Variants in ARSJ observed in about 807,000 individuals in gnomAD.
The protein encoded by ARSJ is arylsulfatase family member J, also known as arylsulfatase J.
Under a neutral mutation model 35.9 loss-of-function variants are expected in ARSJ, and 26 were observed. The observed-to-expected ratio is 0.72, with a 90% CI of 0.53 to 1.00. The LOEUF (loss-of-function observed/expected upper bound fraction) is 1.00. Among genes scored for constraint, ARSJ ranks in the 50% least tolerant of loss-of-function variants. The probability of loss-of-function intolerance (pLI) is 0.00; values close to 1 mark genes in which losing one functional copy is unlikely to be tolerated. For missense variants in ARSJ, 667 were observed against 723.6 expected (o/e 0.92, Z 0.90); for synonymous variants, 294 against 267.6 (o/e 1.10, Z -0.96).
intron 1 of ARSJ, among the ~76,000 whole-genome samples, chr4:113,968,485 G>A (rs1727032029): frequency 6.6e-6 from 1 of 152,120 alleles, no homozygotes; most frequent in Non-Finnish European, 1.5e-5. Context: ...GAAAAGCATT[G>A]GTGAGGAGAT....
chr4:113,914,955 TTC>T (rs1291879274), intron 1 of ARSJ, among the ~76,000 whole-genome samples: 1 of 152,220 alleles, frequency 6.6e-6, no homozygotes, highest in African/African-American at 2.4e-5. Flanking sequence ...GCATTTATAA[TTC>T]TGTGTTATAA....
At chr4:113,949,264 A>G (rs966513768) in intron 1 of ARSJ, among the ~76,000 whole-genome samples, 2 of 152,080 alleles carry the variant, frequency 1.3e-5, no homozygotes, top group Admixed American at 1.3e-4. Flanking sequence ...GCAGCAAAAC[A>G]CCATGGCATA....
chr4:113,962,676 C>G (rs1404828904), intron 1 of ARSJ, among the ~76,000 whole-genome samples: 3 of 151,960 alleles, frequency 2.0e-5, no homozygotes, highest in Admixed American at 6.6e-5. Flanking sequence ...ATGCTATGGT[C>G]TCTTTAACAG....
At chr4:113,909,666 G>C (rs974542333) in intron 1 of ARSJ, among the ~76,000 whole-genome samples, 7 of 152,258 alleles carry the variant, frequency 4.6e-5, no homozygotes, top group African/African-American at 1.4e-4. Flanking sequence ...TGCCATGTTT[G>C]TTAAGTTTCC....
Position 113,903,185 on chromosome 4 carries a change from G to T in ARSJ, c.889C>A (p.Leu297Ile). 6.2e-7 allele frequency: 1 copy of T among 1,614,170 alleles called. No individual in the cohort carries two copies. Among genetic ancestry groups the T allele is most frequent in the Non-Finnish European group, 8.5e-7 (1 of 1,179,994 alleles). Residue 297 changes from leucine (L) to isoleucine (I), a missense_variant, in exon 2 of 2, where the codon CTT becomes ATT. Coordinates refer to ENST00000315366, the MANE Select transcript of ARSJ (RefSeq NM_024590.4). ...NINRRRYAAM[L>I]SCLDEAINNV... ...TTGATTGCTTCATCTAAGCAGGAAA[G>T]CATGGCAGCATATCTCCTCCTGTTT...
chr4:113,912,447 T>C (rs1388931530), intron 1 of ARSJ, among the ~76,000 whole-genome samples: 1 of 151,804 alleles, frequency 6.6e-6, no homozygotes, highest in Non-Finnish European at 1.5e-5. Flanking sequence ...GAGACATGAA[T>C]GGAAAGTGAA....
At chr4:113,914,205 C>T (rs1466460435) in intron 1 of ARSJ, among the ~76,000 whole-genome samples, 1 of 152,086 alleles carries the variant, frequency 6.6e-6, no homozygotes, top group Non-Finnish European at 1.5e-5. Flanking sequence ...AACTCCTGAC[C>T]TCATAATCCA....
intron 1 of ARSJ, among the ~76,000 whole-genome samples, chr4:113,933,020 A>G (rs1239417640): frequency 6.6e-6 from 1 of 151,922 alleles, no homozygotes; most frequent in Non-Finnish European, 1.5e-5. Flanking sequence ...GAAACAAAAA[A>G]GGAGACATAA....
chr4:113,959,171 T>C (rs1044648929), intron 1 of ARSJ, among the ~76,000 whole-genome samples: 1 of 152,030 alleles, frequency 6.6e-6, no homozygotes, highest in African/African-American at 2.4e-5. Context: ...CATGTTGCGG[T>C]AGACATTTTT....
chr4:113,967,611 T>C (rs1026398807), intron 1 of ARSJ, among the ~76,000 whole-genome samples: 1 of 152,142 alleles, frequency 6.6e-6, no homozygotes, highest in Non-Finnish European at 1.5e-5. Context: ...TGCCTCCTGC[T>C]TCTCAAATAA....
At chr4:113,957,054 C>G (rs564718708) in intron 1 of ARSJ, among the ~76,000 whole-genome samples, 5 of 152,066 alleles carry the variant, frequency 3.3e-5, no homozygotes, top group African/African-American at 1.2e-4. Context: ...GTATATTGTC[C>G]TAAATTAGAG....
rs535393258 is a variant in ARSJ at position 113,935,068 on chromosome 4, C to CCCTAA, written c.399-31394_399-31393insTTAGG. Among the ~76,000 whole-genome samples, 135 of 151,926 alleles carry CCCTAA rather than the reference C, an allele frequency of 8.9e-4. 1 individual carries two copies. In the East Asian group the frequency reaches 0.02, roughly 23 times the overall value. On this transcript the variant is annotated intron_variant, in intron 1 of 1. Transcript: ENST00000315366. ...AAACTTTCCCTAAAATGGGAATTAG[C>CCCTAA]AATGTCTGGATTTCAAATTACTCTC...
intron 1 of ARSJ, among the ~76,000 whole-genome samples, chr4:113,946,903 G>C (rs1725525136): frequency 6.6e-6 from 1 of 151,962 alleles, no homozygotes; most frequent in Non-Finnish European, 1.5e-5. Context: ...TTATAAAAAT[G>C]TTAAGGGTAT....
chr4:113,918,197 C>T (rs1029066760), intron 1 of ARSJ, among the ~76,000 whole-genome samples: 1 of 152,042 alleles, frequency 6.6e-6, no homozygotes, highest in Non-Finnish European at 1.5e-5. Context: ...TACATATATC[C>T]ACGAGGCTGA....
chr4:113,960,569 G>GA (rs565785155), intron 1 of ARSJ, among the ~76,000 whole-genome samples: 12 of 151,562 alleles, frequency 7.9e-5, no homozygotes, highest in Admixed American at 1.3e-4. Context: ...ATAATTTGTA[G>GA]AAAAAAAAGA....
At chr4:113,924,071 A>T (rs1195424914) in intron 1 of ARSJ, among the ~76,000 whole-genome samples, 1 of 114,230 alleles carries the variant, frequency 8.8e-6, no homozygotes, top group African/African-American at 4.1e-5. Context: ...ATATAAATAT[A>T]TATAAATATA....
intron 1 of ARSJ, among the ~76,000 whole-genome samples, chr4:113,921,252 G>T (rs114679667): frequency 0.016 from 2,406 of 152,180 alleles, 66 homozygotes; most frequent in African/African-American, 0.054. Context: ...TATGTGCTTT[G>T]CAACTTCCAT....
intron 1 of ARSJ, among the ~76,000 whole-genome samples, chr4:113,916,104 A>C (rs569344109): frequency 6.6e-6 from 1 of 152,336 alleles, no homozygotes; most frequent in African/African-American, 2.4e-5. Context: ...GGTATGTGAG[A>C]AAATGAATAT....
chr4:113,954,119 C>T (rs1726027190), intron 1 of ARSJ, among the ~76,000 whole-genome samples: 1 of 151,874 alleles, frequency 6.6e-6, no homozygotes, highest in Non-Finnish European at 1.5e-5. Flanking sequence ...GATGGGATTT[C>T]CTGTGGTTTC....
Sources: allele counts gnomAD v4.1 joint callset (sites outside exome capture counted in the v4.1 genomes callset), GRCh38; gene constraint gnomAD v4.1.1; transcripts MANE v1.5; gene names NCBI Gene and HGNC (gene_info 2026-07-23, HGNC 2026-07-21).